Variants in ZMAT1 observed in about 807,000 individuals in gnomAD.
ZMAT1 encodes the protein zinc finger matrin-type 1.
A neutral mutation model predicts 18.5 loss-of-function variants in ZMAT1; 11 were observed. That is an observed-to-expected ratio of 0.59 (90% CI 0.37 to 0.98). The LOEUF is 0.98. Among genes scored for constraint, ZMAT1 ranks in the 50% least tolerant of loss-of-function variants. The pLI, the probability that ZMAT1 is intolerant of heterozygous loss-of-function variation, is 0.01. For missense variants in ZMAT1, 525 were observed against 496.2 expected, an observed-to-expected ratio of 1.06 and a Z score of -0.55; for synonymous variants, 211 against 176.4, an observed-to-expected ratio of 1.20 and a Z score of -1.55.
At chrX:101,900,588 C>T (rs1157193453) in intron 2 of ZMAT1, among the ~76,000 whole-genome samples, 1 of 111,540 alleles carries the variant, frequency 9.0e-6, no homozygotes, top group Non-Finnish European at 1.9e-5. Context: ...TTTTTGTTTG[C>T]TTTGTTGAAG....
intron 4 of ZMAT1, among the ~76,000 whole-genome samples, chrX:101,896,909 C>G (rs1483505924): frequency 9.1e-6 from 1 of 110,064 alleles, no homozygotes; most frequent in Non-Finnish European, 1.9e-5. Context: ...CAGGATTTAA[C>G]ATAAAATAAG....
intron 4 of ZMAT1, among the ~76,000 whole-genome samples, chrX:101,896,717 T>C (rs1298058642): frequency 5.4e-5 from 6 of 111,841 alleles, no homozygotes; most frequent in South Asian, 3.8e-4. Context: ...AATTATTTAC[T>C]ACAGAGGATT....
In ZMAT1 at chrX:101,904,219, C is replaced by T; in HGVS notation, c.399+5G>A. 1 of 1,176,967 alleles carries T rather than the reference C, an allele frequency of 8.5e-7. No individual in the cohort carries two copies. The highest frequency in any genetic ancestry group is 1.1e-6 in the Non-Finnish European group (1 of 874,412). ...TAGACCCTACTTCCATTATTTTTAA[C>T]CTACCTCATAATGTGAAATTCTTTG... On this transcript the variant is annotated splice_donor_5th_base_variant and intron_variant, in intron 2 of 5. Transcript: ENST00000651725.
intron 1 of ZMAT1, among the ~76,000 whole-genome samples, chrX:101,907,405 T>G (rs1928688565): frequency 8.9e-6 from 1 of 112,587 alleles, no homozygotes; most frequent in Non-Finnish European, 1.9e-5. Flanking sequence ...CCAGATGGCC[T>G]GCCCGGGAAT....
rs879128913 is a variant in ZMAT1, at chrX:101,883,218, T to C, written c.*292A>G. ...TGGGCAAACAAAACTAAAAGTTCAA[T>C]ACCCAAGAATAGACTCATTCCAAAA... On this transcript the variant is annotated 3_prime_UTR_variant, in exon 6 of 6. Transcript: ENST00000651725. The C allele has an allele frequency of 1.0e-5, 2 of 193,594 alleles. No individual in the cohort carries two copies. The highest frequency in any genetic ancestry group is 5.9e-5 in the African/African-American group (2 of 33,750). 16.0% of individuals were successfully genotyped at this position (193,594 alleles called of 1,213,427 possible). A position where few individuals can be genotyped will look rare whatever the true frequency, so the allele number is the denominator to read the frequency against.
chrX:101,883,542 T>C lies in ZMAT1; in HGVS notation c.2056A>G (p.Met686Val). The change falls in exon 6 of 6, where the codon ATG becomes GTG. Residue 686 changes from methionine to valine, a missense_variant. Transcript: ENST00000651725. ...KSVEERTEEE[M>V]LWDESILGF ...CCAAGAATAGACTCATCCCAAAGCA[T>C]TTCCTCTTCTGTCCTTTCTTCAACA... The C allele has an allele frequency of 1.3e-5, 15 of 1,196,868 alleles. No individual in the cohort carries two copies. The highest frequency in any genetic ancestry group is 1.7e-5 in the Non-Finnish European group (15 of 890,923).
At chrX:101,891,153 AT>A (rs770964387) in intron 4 of ZMAT1, among the ~76,000 whole-genome samples, 7 of 111,691 alleles carry the variant, frequency 6.3e-5, no homozygotes, top group African/African-American at 2.3e-4. Context: ...CATGGACTAG[AT>A]GGGTCTCAGT....
chrX:101,929,344 C>T lies in ZMAT1; in HGVS notation c.292+2373G>A, dbSNP rs1930268062. Among the ~76,000 whole-genome samples the T allele has an allele frequency of 2.9e-5, 3 of 104,111 alleles. No individual in the cohort carries two copies. The South Asian group carries it at 1.3e-3, about 45-fold the overall frequency. 90.4% of individuals were successfully genotyped at this position (104,111 alleles called of 115,157 possible). On this transcript the variant is annotated intron_variant, in intron 1 of 5. Coordinates refer to ENST00000651725, the MANE Select transcript of ZMAT1 (RefSeq NM_001394560.1). Reference sequence around the variant, plus strand: ...TTGGCACACCACCAAGTAACATTTTCCTTTCTTCTCCTTTATCTGCCATCA... The same window carrying T: ...TTGGCACACCACCAAGTAACATTTTTCTTTCTTCTCCTTTATCTGCCATCA...
intron 2 of ZMAT1, among the ~76,000 whole-genome samples, chrX:101,899,352 G>C (rs1166380258): frequency 2.7e-5 from 3 of 110,980 alleles, no homozygotes; most frequent in African/African-American, 9.8e-5. Flanking sequence ...GGTGGCATTT[G>C]GTTACATGAG....
Position 101,884,574 on chromosome X carries a change from T to A in ZMAT1, c.1024A>T (p.Asn342Tyr). Reference sequence around the variant, plus strand: ...TGCTTTTCCATTGCTTGTGAAATATTGTATGGTGCTGCGTATGTCCGGAAA... The same window carrying A: ...TGCTTTTCCATTGCTTGTGAAATATAGTATGGTGCTGCGTATGTCCGGAAA... ...ETFRTYAAPY[N>Y]ISQAMEKQLP... Residue 342 changes from asparagine to tyrosine, a missense_variant, in exon 6 of 6, where the codon AAT (asparagine) becomes TAT (tyrosine). By Grantham distance (143) the Asn-to-Tyr change is moderately radical. Coordinates refer to ENST00000651725, the MANE Select transcript of ZMAT1 (RefSeq NM_001394560.1). 8.3e-7 allele frequency: 1 copy of A among 1,210,981 alleles called. No homozygotes were observed. The highest frequency in any genetic ancestry group is 1.1e-6 in the Non-Finnish European group (1 of 895,038).
At chrX:101,913,108 G>A (rs770448305) in intron 1 of ZMAT1, among the ~76,000 whole-genome samples, 26 of 111,901 alleles carry the variant, frequency 2.3e-4, no homozygotes, top group Non-Finnish European at 4.9e-4. Context: ...GTTGTTAGCA[G>A]TTTAAAATAA....
At chrX:101,904,454 G>A in intron 1 of ZMAT1, 124 bp from the exon 2 acceptor site, 1 of 497,854 alleles carries the variant, frequency 2.0e-6, no homozygotes, top group Non-Finnish European at 3.3e-6. Context: ...TGAGGCTACA[G>A]TAACAGCTTT....
At chrX:101,929,105 T>C (rs1350647914) in intron 1 of ZMAT1, among the ~76,000 whole-genome samples, 2 of 109,749 alleles carry the variant, frequency 1.8e-5, no homozygotes, top group African/African-American at 6.6e-5. Context: ...CGTTTGCTAG[T>C]TTCTAATCTC....
chrX:101,926,037 T>C (rs1367767107), intron 1 of ZMAT1, among the ~76,000 whole-genome samples: 2 of 111,922 alleles, frequency 1.8e-5, no homozygotes, highest in African/African-American at 3.3e-5. Flanking sequence ...CCCAGAGAGG[T>C]AATAGGAATT....
At position 101,886,750 on chromosome X, in the gene ZMAT1, C is replaced by G; in HGVS notation, c.677-19G>C. On this transcript the variant is annotated intron_variant, in intron 4 of 5. Coordinates refer to ENST00000651725, the MANE Select transcript of ZMAT1 (RefSeq NM_001394560.1). ...CTAAATGCTGAAAAAACAAAGAGTTCAAGTTAAGAAGGTCAGTATAAATAC... is the reference window on the plus strand; with the variant it reads ...CTAAATGCTGAAAAAACAAAGAGTTGAAGTTAAGAAGGTCAGTATAAATAC... 9.1e-7 allele frequency: 1 copy of G among 1,100,770 alleles called. No individual in the cohort carries two copies. Among genetic ancestry groups the G allele is most frequent in the South Asian group, 2.0e-5 (1 of 50,979 alleles). 90.7% of individuals were successfully genotyped at this position (1,100,770 alleles called of 1,213,427 possible).
Position 101,883,894 on chromosome X carries a change from G to A in ZMAT1, c.1704C>T (p.Tyr568=), listed in dbSNP as rs1603271571. ...LNQQENNSGS[Y]SVESEVYKHL... ...GCTTGTAAACTTCAGATTCTACACTGTATGAGCCAGAGTTATTTTCTTGCT... is the reference window on the plus strand; with the variant it reads ...GCTTGTAAACTTCAGATTCTACACTATATGAGCCAGAGTTATTTTCTTGCT... The change falls in exon 6 of 6, where the codon TAC becomes TAT. Residue 568 remains tyrosine (Y), a synonymous_variant. Transcript: ENST00000651725. The A allele has an allele frequency of 8.3e-7, 1 of 1,209,932 alleles. No homozygotes were observed.
intron 1 of ZMAT1, among the ~76,000 whole-genome samples, chrX:101,920,515 T>C (rs1253604799): frequency 8.9e-6 from 1 of 111,773 alleles, no homozygotes. Context: ...TTAAAATACA[T>C]GAAAATATGA....
At chrX:101,922,537 C>T (rs751406671) in intron 1 of ZMAT1, among the ~76,000 whole-genome samples, 6 of 110,194 alleles carry the variant, frequency 5.4e-5, no homozygotes, top group South Asian at 7.9e-4. Flanking sequence ...GGACTACAGG[C>T]GTGCACCACC....
At chrX:101,916,394 A>T (rs2147659134) in intron 1 of ZMAT1, among the ~76,000 whole-genome samples, 1 of 112,082 alleles carries the variant, frequency 8.9e-6, no homozygotes, top group East Asian at 2.8e-4. Context: ...TCTGGAATTT[A>T]AAGTAAAATT....
Sources: allele counts gnomAD v4.1 joint callset (sites outside exome capture counted in the v4.1 genomes callset), GRCh38; gene constraint gnomAD v4.1.1; transcripts MANE v1.5; gene names NCBI Gene and HGNC (gene_info 2026-07-23, HGNC 2026-07-21).